Variants in SGCZ observed in about 807,000 individuals in gnomAD.
The protein encoded by SGCZ is zeta-sarcoglycan.
A neutral mutation model predicts 41.3 loss-of-function variants in SGCZ; 40 were observed. That is an observed-to-expected ratio of 0.97 (90% CI 0.75 to 1.26). SGCZ has a LOEUF of 1.26. SGCZ is among the 50% of genes most tolerant of loss of function. SGCZ has a pLI of 0.00. For synonymous variants in SGCZ, 206 were observed against 137.5 expected (o/e 1.50, Z -3.49); for missense variants, 552 against 369.8 (o/e 1.49, Z -4.04).
chr8:14,101,288 G>A (rs1032328828), intron 7 of SGCZ, among the ~76,000 whole-genome samples: 1 of 125,010 alleles, frequency 8.0e-6, no homozygotes, highest in East Asian at 2.2e-4. Context: ...CTGGGAAGGA[G>A]AGGGTAAGAG....
chr8:14,613,028 G>A (rs982518710), intron 1 of SGCZ, among the ~76,000 whole-genome samples: 1 of 152,048 alleles, frequency 6.6e-6, no homozygotes, highest in Non-Finnish European at 1.5e-5. Flanking sequence ...CTCCTGGTCT[G>A]GGGAAAGAAC....
At chr8:14,559,931 C>A (rs1045220757) in intron 1 of SGCZ, among the ~76,000 whole-genome samples, 2 of 151,974 alleles carry the variant, frequency 1.3e-5, no homozygotes, top group African/African-American at 2.4e-5. Context: ...AGATGTGAAA[C>A]CCATTATGTT....
At chr8:14,495,986 G>C (rs73529004) in intron 2 of SGCZ, among the ~76,000 whole-genome samples, 15 of 152,040 alleles carry the variant, frequency 9.9e-5, no homozygotes, top group Admixed American at 6.6e-5. Context: ...GGAACACTGG[G>C]AATACACAAA....
At chr8:14,366,817 G>C (rs955314005) in intron 2 of SGCZ, among the ~76,000 whole-genome samples, 3 of 152,120 alleles carry the variant, frequency 2.0e-5, no homozygotes. Flanking sequence ...TTACTTCTTA[G>C]ATACAATGAG....
chr8:14,583,048 G>A (rs1470944833), intron 1 of SGCZ, among the ~76,000 whole-genome samples: 2 of 150,166 alleles, frequency 1.3e-5, no homozygotes, highest in African/African-American at 4.9e-5. Flanking sequence ...TGGGTCAAAT[G>A]GTATTTCTAG....
chr8:14,745,404 A>G (rs1051026382), intron 1 of SGCZ, among the ~76,000 whole-genome samples: 1 of 152,086 alleles, frequency 6.6e-6, no homozygotes. Context: ...GGAAATTCCA[A>G]AGAGATGATA....
At chr8:14,911,817 A>C (rs192933833) in intron 1 of SGCZ, among the ~76,000 whole-genome samples, 1 of 152,036 alleles carries the variant, frequency 6.6e-6, no homozygotes, top group East Asian at 1.9e-4. Context: ...TAGGTTCAGA[A>C]ACAAGACACA....
At chr8:14,404,827 G>A (rs139103866) in intron 2 of SGCZ, among the ~76,000 whole-genome samples, 1 of 152,298 alleles carries the variant, frequency 6.6e-6, no homozygotes, top group African/African-American at 2.4e-5. Context: ...AAGCCCACGC[G>A]TTTCCAGTTA....
intron 1 of SGCZ, among the ~76,000 whole-genome samples, chr8:14,675,074 G>T (rs906431353): frequency 4.2e-4 from 64 of 151,052 alleles, no homozygotes; most frequent in African/African-American, 1.6e-3. Flanking sequence ...GAGTTGCTGG[G>T]ACTATAGGCA....
chr8:14,892,207 A>T (rs533584314), intron 1 of SGCZ, among the ~76,000 whole-genome samples: 52 of 152,296 alleles, frequency 3.4e-4, no homozygotes, highest in African/African-American at 1.2e-3. Context: ...TTACTTTATT[A>T]GGCCCAATTA....
At chr8:14,453,234 C>A (rs1181887831) in intron 2 of SGCZ, among the ~76,000 whole-genome samples, 1 of 151,970 alleles carries the variant, frequency 6.6e-6, no homozygotes, top group Non-Finnish European at 1.5e-5. Flanking sequence ...ATTTTCTATT[C>A]GTCTTCATTG....
At position 14,780,106 on chromosome 8, in the gene SGCZ, G is replaced by C. The variant is rs1365166169; in HGVS notation, c.40-225180C>G. On this transcript the variant is annotated intron_variant, in intron 1 of 7. Coordinates refer to ENST00000382080, the MANE Select transcript of SGCZ (RefSeq NM_139167.4). The stretch of plus-strand genomic sequence containing the variant: ...TAGAAAAATACGGCCGGGCGCAGTG[G>C]CTCACGCCTGTAATCCCAGCACTTT... Among the ~76,000 whole-genome samples, 5 of 152,058 alleles carry C rather than the reference G, an allele frequency of 3.3e-5. No homozygotes were observed. In the East Asian group the frequency reaches 7.7e-4, roughly 24 times the overall value.
intron 2 of SGCZ, among the ~76,000 whole-genome samples, chr8:14,516,818 C>T (rs7821766): frequency 2.6e-5 from 4 of 151,940 alleles, no homozygotes; most frequent in Admixed American, 2.6e-4. Flanking sequence ...AAATTTTGTT[C>T]ACTGTTAACA....
intron 1 of SGCZ, among the ~76,000 whole-genome samples, chr8:14,597,147 A>C (rs922005704): frequency 6.6e-6 from 1 of 152,200 alleles, no homozygotes; most frequent in Admixed American, 6.5e-5. Flanking sequence ...ATACGTTAAA[A>C]TATTTTAAAT....
chr8:14,186,623 C>G (rs1009990838), intron 4 of SGCZ, among the ~76,000 whole-genome samples: 1 of 152,154 alleles, frequency 6.6e-6, no homozygotes, highest in Non-Finnish European at 1.5e-5. Flanking sequence ...ACCACTTTTT[C>G]TGCTTTCGGA....
chr8:14,146,282 G>C (rs1365387275), intron 5 of SGCZ, among the ~76,000 whole-genome samples: 2 of 152,156 alleles, frequency 1.3e-5, no homozygotes, highest in African/African-American at 2.4e-5. Context: ...AGAGTGGTAT[G>C]ACATATCTCA....
At chr8:14,414,524 A>T (rs10100028) in intron 2 of SGCZ, among the ~76,000 whole-genome samples, 57,005 of 151,670 alleles carry the variant, frequency 0.38, 11,718 homozygotes, top group African/African-American at 0.55. Flanking sequence ...TAAAAGACCA[A>T]CATTCAATTA....
chr8:15,205,253 A>G (rs1801022678), intron 1 of SGCZ, among the ~76,000 whole-genome samples: 1 of 152,218 alleles, frequency 6.6e-6, no homozygotes. Flanking sequence ...CAAATTGACA[A>G]GTGGGATGTA....
intron 5 of SGCZ, among the ~76,000 whole-genome samples, chr8:14,142,644 A>G (rs867129400): frequency 2.0e-5 from 3 of 152,058 alleles, no homozygotes; most frequent in Non-Finnish European, 4.4e-5. Flanking sequence ...TGGAGGTGAT[A>G]TGGTTGGACT....
Sources: gnomAD v4.1 joint callset for allele counts (sites outside exome capture counted in the v4.1 genomes callset) on GRCh38, gnomAD v4.1.1 for gene constraint, MANE v1.5 for transcripts, NCBI Gene and HGNC (gene_info 2026-07-23, HGNC 2026-07-21) for gene names.